Variants in PRKAR1B observed in about 807,000 individuals in gnomAD.
PRKAR1B encodes the protein cAMP-dependent protein kinase type I-beta regulatory subunit.
Under a neutral mutation model 46.5 loss-of-function variants are expected in PRKAR1B, and 22 were observed. The ratio of observed to expected loss-of-function variants is 0.47; its 90% CI spans 0.34 to 0.68. The LOEUF (loss-of-function observed/expected upper bound fraction) is 0.68, where lower values mean the gene tolerates loss of function less well. Ranked by LOEUF, PRKAR1B falls within the 30% of genes least tolerant of loss-of-function variation. The probability of loss-of-function intolerance (pLI) is 0.01; values close to 1 mark genes in which losing one functional copy is unlikely to be tolerated. For synonymous variants in PRKAR1B, 259 were observed against 217.7 expected, an observed-to-expected ratio of 1.19 and a Z score of -1.67; for missense variants, 445 against 535.6, an observed-to-expected ratio of 0.83 and a Z score of 1.67.
intron 4 of PRKAR1B, among the ~76,000 whole-genome samples, chr7:660,671 C>T (rs1257066061): frequency 7.8e-6 from 1 of 127,756 alleles, no homozygotes; most frequent in African/African-American, 3.0e-5. Context: ...CTCTCCCCCC[C>T]ATGCCACAGG....
chr7:597,565 G>T (rs944499568), intron 6 of PRKAR1B, among the ~76,000 whole-genome samples: 5 of 152,224 alleles, frequency 3.3e-5, no homozygotes, highest in Admixed American at 1.3e-4. Context: ...GTCCTTCCAC[G>T]GAGCCAGAGA....
intron 6 of PRKAR1B, among the ~76,000 whole-genome samples, chr7:596,599 C>T (rs560864040): frequency 2.0e-5 from 3 of 152,370 alleles, no homozygotes; most frequent in Non-Finnish European, 2.9e-5. Context: ...CGGACGCACC[C>T]GGCCCCCGCT....
chr7:660,908 C>CT (rs1460811298), intron 4 of PRKAR1B, among the ~76,000 whole-genome samples: 1 of 129,090 alleles, frequency 7.7e-6, no homozygotes, highest in Non-Finnish European at 1.6e-5. Flanking sequence ...AATACCTACT[C>CT]TCCCCCCATG....
chr7:611,802 G>A lies in PRKAR1B; in HGVS notation c.441-4350C>T, dbSNP rs1176360238. Among the ~76,000 whole-genome samples the A allele has an allele frequency of 5.6e-5, 8 of 143,152 alleles. No homozygotes were observed. The East Asian group carries it at 1.6e-3, about 28-fold the overall frequency. The allele number at this position is 143,152 out of a possible 152,430, so 93.9% of individuals were successfully genotyped here. On this transcript the variant is annotated intron_variant, in intron 4 of 10. Transcript: ENST00000537384. Reference sequence around the variant, plus strand: ...GATGGATGGATGGATGGATGGACAGGCGGGTGGATTGAACAGGTGGGTGAG... The same window carrying A: ...GATGGATGGATGGATGGATGGACAGACGGGTGGATTGAACAGGTGGGTGAG...
chr7:605,562 A>G (rs1048304791), intron 6 of PRKAR1B, among the ~76,000 whole-genome samples: 3 of 152,234 alleles, frequency 2.0e-5, no homozygotes, highest in Admixed American at 6.5e-5. Context: ...TTTTATACAT[A>G]CACATACACA....
rs866392607 is a variant in PRKAR1B, at chr7:677,610, G to A, written c.349-290C>T. 1.9e-4 allele frequency among the ~76,000 whole-genome samples: 29 copies of A among 152,084 alleles called. 1 individual carries two copies. Among genetic ancestry groups the A allele is most frequent in the Middle Eastern group, 6.8e-3 (2 of 294 alleles). On this transcript the variant is annotated intron_variant, in intron 3 of 10. Coordinates refer to ENST00000537384, the MANE Select transcript of PRKAR1B (RefSeq NM_001164760.2). The stretch of plus-strand genomic sequence containing the variant: ...CTTGGCTAACTTTTTTATTTTTAGT[G>A]GAGATGAGGTCTCACTATGTTGCCC...
intron 4 of PRKAR1B, among the ~76,000 whole-genome samples, chr7:637,287 C>A (rs536216812): frequency 6.6e-6 from 1 of 152,010 alleles, no homozygotes; most frequent in African/African-American, 2.4e-5. Context: ...GGCATGGTGG[C>A]GCACCTGTAA....
At chr7:580,744 C>CAAAAAAAAAAAAAAAAAAAAAAAA (rs754143077) in intron 8 of PRKAR1B, among the ~76,000 whole-genome samples, 2 of 117,326 alleles carry the variant, frequency 1.7e-5, no homozygotes, top group Non-Finnish European at 1.8e-5. Context: ...TCTTTTTTGA[C>CAAAAAAAAAAAAAAAAAAAAAAAA]AAAAAAAAAA....
intron 2 of PRKAR1B, among the ~76,000 whole-genome samples, chr7:707,247 C>G (rs1780377542): frequency 6.6e-6 from 1 of 152,246 alleles, no homozygotes; most frequent in Non-Finnish European, 1.5e-5. Context: ...TCCCCAATGC[C>G]TGTCCCTATC....
chr7:667,971 T>C lies in PRKAR1B; in HGVS notation c.440+9258A>G, dbSNP rs1355902030. On this transcript the variant is annotated intron_variant, in intron 4 of 10. Coordinates refer to ENST00000537384, the MANE Select transcript of PRKAR1B (RefSeq NM_001164760.2). This position sits in a 1 kb window ranked among gnomAD's most constrained non-coding sequence, Gnocchi z 4.3. ...AGGTCTTAAACATAATTTCTACCCT[T>C]CTCCAAGCTTACGTATCTCTCGCAC... 6.6e-6 allele frequency among the ~76,000 whole-genome samples: 1 copy of C among 152,126 alleles called. No homozygotes were observed. Among genetic ancestry groups the C allele is most frequent in the Non-Finnish European group, 1.5e-5 (1 of 68,028 alleles).
chr7:636,669 G>C (rs1784127079), intron 4 of PRKAR1B, among the ~76,000 whole-genome samples: 1 of 152,246 alleles, frequency 6.6e-6, no homozygotes, highest in Non-Finnish European at 1.5e-5. Context: ...CCACTGTGAG[G>C]ACAGCAGCTC....
chr7:554,414 C>G (rs1343901653), intron 9 of PRKAR1B, among the ~76,000 whole-genome samples: 4 of 152,278 alleles, frequency 2.6e-5, no homozygotes, highest in Non-Finnish European at 5.9e-5. Flanking sequence ...TGTTTCACAG[C>G]TGGGATTATT....
intron 4 of PRKAR1B, among the ~76,000 whole-genome samples, chr7:611,636 C>G (rs1782498256): frequency 6.6e-6 from 1 of 152,264 alleles, no homozygotes; most frequent in South Asian, 2.1e-4. Context: ...CCACATGTTC[C>G]TTGCAGGCTC....
chr7:660,332 C>T (rs983959972), intron 4 of PRKAR1B, among the ~76,000 whole-genome samples: 1 of 152,022 alleles, frequency 6.6e-6, no homozygotes, highest in African/African-American at 2.4e-5. Context: ...TCCCCGGGTG[C>T]CACAGGCCCC....
intron 6 of PRKAR1B, among the ~76,000 whole-genome samples, chr7:601,724 G>A (rs904008324): frequency 9.2e-5 from 14 of 152,214 alleles, no homozygotes; most frequent in Admixed American, 6.5e-4. Context: ...TGGGACTCAC[G>A]GGACAGCCCC....
intron 9 of PRKAR1B, among the ~76,000 whole-genome samples, chr7:558,752 CAAAAAAAGAAAAA>C (rs1371784120): frequency 6.6e-6 from 1 of 151,082 alleles, no homozygotes; most frequent in Non-Finnish European, 1.5e-5. Context: ...AAGTCCATCT[CAAAAAAAGAAAAA>C]AAAAGAAGAA....
rs1364033500 is a variant in PRKAR1B, at chr7:714,180, G to A, written c.-22-2653C>T. Reference sequence around the variant, plus strand: ...TGCCACCTAACCAAGGCGACGTCTCGCTTCGGGGGGCAGATGCTCCAGGCC... The same window carrying A: ...TGCCACCTAACCAAGGCGACGTCTCACTTCGGGGGGCAGATGCTCCAGGCC... On this transcript the variant is annotated intron_variant, in intron 1 of 10. Transcript: ENST00000537384. The surrounding 1 kb of genome is among the most constrained non-coding windows in gnomAD (Gnocchi z 4.3). Among the ~76,000 whole-genome samples the A allele has an allele frequency of 2.6e-5, 4 of 152,230 alleles. No homozygotes were observed. Among genetic ancestry groups the A allele is most frequent in the South Asian group, 2.1e-4 (1 of 4,820 alleles).
intron 2 of PRKAR1B, among the ~76,000 whole-genome samples, chr7:692,260 T>C (rs1033375873): frequency 1.3e-5 from 2 of 152,128 alleles, no homozygotes; most frequent in Non-Finnish European, 2.9e-5. Flanking sequence ...ATTAGCCACA[T>C]GTGGTGGCGC....
intron 4 of PRKAR1B, among the ~76,000 whole-genome samples, chr7:611,366 C>A (rs1425686178): frequency 6.6e-6 from 1 of 152,274 alleles, no homozygotes; most frequent in African/African-American, 2.4e-5. Context: ...TCTCTCTGGG[C>A]AGGCGTCCAG....
Sources: gnomAD v4.1 joint callset for allele counts (sites outside exome capture counted in the v4.1 genomes callset) on GRCh38, gnomAD v4.1.1 for gene constraint, Gnocchi (gnomAD v3.1) non-coding constraint, MANE v1.5 for transcripts, NCBI Gene and HGNC (gene_info 2026-07-23, HGNC 2026-07-21) for gene names.